Variants in STAU2 observed in about 807,000 individuals in gnomAD.
STAU2 encodes double-stranded RNA-binding protein Staufen homolog 2.
Under a neutral mutation model 65.9 loss-of-function variants are expected in STAU2, and 20 were observed. That is an observed-to-expected ratio of 0.30 (90% CI 0.21 to 0.44). The LOEUF (loss-of-function observed/expected upper bound fraction) is 0.44, where lower values mean the gene tolerates loss of function less well. Ranked by LOEUF, STAU2 falls within the 20% of genes least tolerant of loss-of-function variation. STAU2 has a pLI of 1.00. For synonymous variants in STAU2, 232 were observed against 233.9 expected (o/e 0.99, Z 0.07); for missense variants, 558 against 683.9 (o/e 0.82, Z 2.05).
At position 73,421,089 on chromosome 8, in the gene STAU2, C is replaced by A. The variant is rs1816346140; in HGVS notation, c.*283G>T. The A allele has an allele frequency of 3.2e-6, 1 of 316,948 alleles. No individual in the cohort carries two copies. Among genetic ancestry groups the A allele is most frequent in the Non-Finnish European group, 5.7e-6 (1 of 174,406 alleles). The allele number at this position is 316,948 out of a possible 1,614,324, so 19.6% of individuals were successfully genotyped here. A position where few individuals can be genotyped will look rare whatever the true frequency, so the allele number is the denominator to read the frequency against. ...TTTTAGCTTTGTTTCTAACACTTTT[C>A]TTTACTTGTTATTTTAAGCTCCAGT... On this transcript the variant is annotated 3_prime_UTR_variant, in exon 15 of 15. Transcript: ENST00000524300.
rs77088339 is a variant in STAU2 at position 73,485,774 on chromosome 8, T to C, written c.1531-63072A>G. Among the ~76,000 whole-genome samples the C allele has an allele frequency of 3.1e-3, 472 of 152,132 alleles. 12 individuals are homozygous for C. Among genetic ancestry groups the C allele is most frequent in the East Asian group, 0.028 (144 of 5,146 alleles). ...ACTTGAGAGCAGGAGTTTGAGGCTA[T>C]AGTGAGCTGTAATAGTGCCACAGCA... On this transcript the variant is annotated intron_variant, in intron 13 of 14. Coordinates refer to ENST00000524300, the MANE Select transcript of STAU2 (RefSeq NM_001164380.2).
chr8:73,611,959 A>G (rs1038340089), intron 9 of STAU2, among the ~76,000 whole-genome samples: 1 of 152,180 alleles, frequency 6.6e-6, no homozygotes, highest in African/African-American at 2.4e-5. Context: ...CTGGGATTAC[A>G]GGCATGAGCC....
At chr8:73,450,995 A>T (rs1332809317) in intron 13 of STAU2, among the ~76,000 whole-genome samples, 4 of 152,126 alleles carry the variant, frequency 2.6e-5, no homozygotes, top group African/African-American at 9.7e-5. Context: ...GGATGTGGAG[A>T]CCAGGCCCAG....
At position 73,422,628 on chromosome 8, in the gene STAU2, T is replaced by C; in HGVS notation, c.1605A>G (p.Lys535=). 2.0e-6 allele frequency: 3 copies of C among 1,512,940 alleles called. No individual in the cohort carries two copies. Among genetic ancestry groups the C allele is most frequent in the East Asian group, 2.5e-5 (1 of 39,720 alleles). The allele number at this position is 1,512,940 out of a possible 1,614,324, so 93.7% of individuals were successfully genotyped here. Reference sequence around the variant, plus strand: ...GATTTACTCACTTTTCAAGAGAACCTTTTTCGATATTCATTGCTCCATCGA... The same window carrying C: ...GATTTACTCACTTTTCAAGAGAACCCTTTTCGATATTCATTGCTCCATCGA... ...DPIDGAMNIE[K]GSLEKQAKHL... is the part of the protein sequence containing the mutation. Residue 535 remains lysine (K), a synonymous_variant, in exon 14 of 15, where the codon AAA becomes AAG. Transcript: ENST00000524300.
chr8:73,519,423 C>G (rs958914219), intron 13 of STAU2, among the ~76,000 whole-genome samples: 9 of 152,084 alleles, frequency 5.9e-5, no homozygotes, highest in African/African-American at 2.2e-4. Flanking sequence ...GAGGCTGCCC[C>G]TGGTACTTGA....
intron 3 of STAU2, 54 bp downstream of exon 3, chr8:73,738,230 A>G: frequency 1.3e-6 from 2 of 1,483,618 alleles, no homozygotes; most frequent in Non-Finnish European, 1.9e-6. Flanking sequence ...AATGTTCCAC[A>G]ATTTACAGCC....
Position 73,621,951 on chromosome 8 carries a change from C to CTTT in STAU2, c.411-4503_411-4501dup, listed in dbSNP as rs751349117. ...CTGCACAATGGTTAGGTCTTTCTCT[C>CTTT]TTTTTTTTTTTTTTTTTTTTCCTGA... On this transcript the variant is annotated intron_variant, in intron 6 of 14. Transcript: ENST00000524300. Among the ~76,000 whole-genome samples the CTTT allele has an allele frequency of 1.4e-3, 177 of 129,888 alleles. 1 individual carries two copies. Among genetic ancestry groups the CTTT allele is most frequent in the African/African-American group, 4.4e-3 (151 of 34,466 alleles). The allele number at this position is 129,888 out of a possible 152,430, so 85.2% of individuals were successfully genotyped here.
intron 4 of STAU2, among the ~76,000 whole-genome samples, chr8:73,699,957 A>T (rs7812308): frequency 0.072 from 10,927 of 151,958 alleles, 436 homozygotes; most frequent in Middle Eastern, 0.14. Context: ...CCAACAATAC[A>T]TTTAAAAGAT....
chr8:73,461,452 T>G (rs1214499270), intron 13 of STAU2, among the ~76,000 whole-genome samples: 1 of 152,082 alleles, frequency 6.6e-6, no homozygotes, highest in Non-Finnish European at 1.5e-5. Context: ...CTATGCTTTA[T>G]TGGATAAGCA....
At chr8:73,634,739 C>T (rs746483541) in intron 6 of STAU2, among the ~76,000 whole-genome samples, 7 of 152,160 alleles carry the variant, frequency 4.6e-5, no homozygotes, top group Non-Finnish European at 7.3e-5. Context: ...ACGTTAGGGC[C>T]TTTACAATGG....
intron 6 of STAU2, among the ~76,000 whole-genome samples, chr8:73,621,673 C>A (rs988402644): frequency 6.6e-6 from 1 of 152,028 alleles, no homozygotes; most frequent in Admixed American, 6.6e-5. Context: ...TTTTAAATCC[C>A]AAAAAAGTCT....
chr8:73,604,119 T>C (rs1179359265), intron 9 of STAU2, among the ~76,000 whole-genome samples: 1 of 152,202 alleles, frequency 6.6e-6, no homozygotes, highest in Non-Finnish European at 1.5e-5. Context: ...CACTCTTCAG[T>C]ATACCAGAGG....
chr8:73,702,812 C>T (rs1027502557), intron 4 of STAU2, among the ~76,000 whole-genome samples: 2 of 152,208 alleles, frequency 1.3e-5, no homozygotes, highest in East Asian at 1.9e-4. Context: ...TCAGTCACTA[C>T]GGAAGTGCAA....
At chr8:73,475,116 G>A (rs1257235140) in intron 13 of STAU2, among the ~76,000 whole-genome samples, 1 of 152,156 alleles carries the variant, frequency 6.6e-6, no homozygotes, top group East Asian at 1.9e-4. Flanking sequence ...TTTGGGGAGA[G>A]GGTGTGACTG....
chr8:73,430,784 T>C (rs1228344749), intron 13 of STAU2, among the ~76,000 whole-genome samples: 1 of 152,226 alleles, frequency 6.6e-6, no homozygotes, highest in African/African-American at 2.4e-5. Flanking sequence ...ACAGAATAAA[T>C]TGTTAACTTG....
chr8:73,542,917 T>C (rs1806643119), intron 13 of STAU2, among the ~76,000 whole-genome samples: 1 of 152,176 alleles, frequency 6.6e-6, no homozygotes, highest in Non-Finnish European at 1.5e-5. Context: ...GATCCAGCAA[T>C]TCACTCTAAG....
intron 5 of STAU2, among the ~76,000 whole-genome samples, chr8:73,687,347 T>C (rs1436653508): frequency 6.0e-5 from 2 of 33,102 alleles, no homozygotes; most frequent in Non-Finnish European, 1.4e-4. Flanking sequence ...TTTATATTTA[T>C]AATTTATATA....
intron 10 of STAU2, among the ~76,000 whole-genome samples, chr8:73,602,110 C>CA (rs147333492): frequency 0.16 from 23,339 of 149,992 alleles, 1,825 homozygotes; most frequent in African/African-American, 0.18. Context: ...TTAACATCTC[C>CA]AAAAAAAAAC....
chr8:73,596,016 G>A (rs1447549981), intron 10 of STAU2, among the ~76,000 whole-genome samples: 1 of 151,924 alleles, frequency 6.6e-6, no homozygotes, highest in Non-Finnish European at 1.5e-5. Flanking sequence ...GGAGGCTGAG[G>A]CAAGAGAATC....
Sources: gnomAD v4.1 joint callset for allele counts (sites outside exome capture counted in the v4.1 genomes callset) on GRCh38, gnomAD v4.1.1 for gene constraint, MANE v1.5 for transcripts, NCBI Gene and HGNC (gene_info 2026-07-23, HGNC 2026-07-21) for gene names.